The following MYO3A variants were observed in gnomAD, a reference collection of about 807,000 sequenced individuals.
MYO3A encodes the protein myosin IIIA.
MYO3A carries 180 observed loss-of-function variants against 192.7 expected under a neutral mutation model. The observed-to-expected ratio is 0.93, with a 90% CI of 0.83 to 1.06. MYO3A has a LOEUF of 1.06. Ranked by LOEUF, MYO3A falls within the 50% of genes least tolerant of loss-of-function variation. MYO3A has a pLI of 0.00. For missense variants in MYO3A, 1,896 were observed against 1,905.0 expected, an observed-to-expected ratio of 1.00 and a Z score of 0.09; for synonymous variants, 628 against 645.3, an observed-to-expected ratio of 0.97 and a Z score of 0.41.
rs777418859 is a variant in MYO3A, at chr10:26,157,523, G to T, written c.2999+8G>T. On this transcript the variant is annotated splice_region_variant and intron_variant, in intron 26 of 34. Transcript: ENST00000642920. ...TGCTAACTTTATAAAGCGGTATGTG[G>T]ATTTCTTTTTCAGTTTCTATTGTGC... 6.2e-7 allele frequency: 1 copy of T among 1,611,012 alleles called. No individual in the cohort carries two copies. The highest frequency in any genetic ancestry group is 8.5e-7 in the Non-Finnish European group (1 of 1,177,406).
intron 34 of MYO3A, among the ~76,000 whole-genome samples, chr10:26,205,146 G>A (rs531414189): frequency 2.6e-5 from 4 of 152,222 alleles, no homozygotes; most frequent in South Asian, 2.1e-4. Context: ...TTGACAAAAC[G>A]TGTATAAACT....
chr10:26,034,018 C>G (rs1842918914), intron 10 of MYO3A, among the ~76,000 whole-genome samples: 1 of 152,114 alleles, frequency 6.6e-6, no homozygotes, highest in Non-Finnish European at 1.5e-5. Context: ...GAGGTTTGAC[C>G]TGTGTCCATG....
At position 26,073,625 on chromosome 10, in the gene MYO3A, C is replaced by T. The variant is rs770514668; in HGVS notation, c.1359+3224C>T. 1.3e-3 allele frequency among the ~76,000 whole-genome samples: 185 copies of T among 142,642 alleles called. 3 individuals are homozygous for T. The highest frequency in any genetic ancestry group is 3.5e-3 in the Middle Eastern group (1 of 284). The allele number at this position is 142,642 out of a possible 152,430, so 93.6% of individuals were successfully genotyped here. On this transcript the variant is annotated intron_variant, in intron 14 of 34. Transcript: ENST00000642920. ...CAGCCTGGGCAACAGTGCAAGACTC[C>T]GTGTCAAATAATAATAATAATAATG...
intron 14 of MYO3A, among the ~76,000 whole-genome samples, chr10:26,087,507 C>A (rs994258911): frequency 6.6e-6 from 1 of 152,142 alleles, no homozygotes; most frequent in African/African-American, 2.4e-5. Context: ...CTAATACCTC[C>A]CTAAACCTCT....
chr10:26,102,419 G>A (rs763716012), intron 17 of MYO3A, among the ~76,000 whole-genome samples: 15 of 152,260 alleles, frequency 9.9e-5, no homozygotes, highest in East Asian at 3.9e-4. Flanking sequence ...GTGATTCTCC[G>A]TCCAGCTTTG....
intron 26 of MYO3A, among the ~76,000 whole-genome samples, chr10:26,161,677 A>T (rs181187375): frequency 3.2e-4 from 48 of 152,322 alleles, no homozygotes; most frequent in African/African-American, 1.0e-3. Context: ...TATCTACATT[A>T]TATATGTGTT....
chr10:25,943,001 A>G, intron 2 of MYO3A, among the ~76,000 whole-genome samples: 1 of 151,852 alleles, frequency 6.6e-6, no homozygotes, highest in Non-Finnish European at 1.5e-5. Flanking sequence ...TTGGTGTCAT[A>G]TCCGAGAAAT....
At chr10:25,937,614 G>A (rs1287468245) in intron 2 of MYO3A, among the ~76,000 whole-genome samples, 2 of 152,022 alleles carry the variant, frequency 1.3e-5, no homozygotes, top group African/African-American at 4.8e-5. Context: ...GTTTTTTGGA[G>A]GCTCACTAAC....
rs148121130 is a variant in MYO3A at position 26,174,322 on chromosome 10, T to C, written c.4058T>C (p.Ile1353Thr). ...QEEEDKAAVFIQSKYRGYKRR... is the reference protein window; with the variant it reads ...QEEEDKAAVFTQSKYRGYKRR... ...GAAGAAGATAAAGCAGCGGTATTCA[T>C]TCAGAGCAAATACCGGGGTTACAAG... Residue 1353 changes from isoleucine to threonine, a missense_variant, in exon 30 of 35, where the codon ATT (isoleucine) becomes ACT (threonine). By Grantham distance (89) the Ile-to-Thr change is moderately conservative. Coordinates refer to ENST00000642920, the MANE Select transcript of MYO3A (RefSeq NM_017433.5). The C allele has an allele frequency of 1.2e-6, 2 of 1,614,022 alleles. No individual in the cohort carries two copies. The highest frequency in any genetic ancestry group is 2.7e-5 in the African/African-American group (2 of 74,910).
chr10:26,186,659 C>G (rs141521079), intron 31 of MYO3A, among the ~76,000 whole-genome samples: 2 of 152,220 alleles, frequency 1.3e-5, no homozygotes, highest in East Asian at 3.9e-4. Flanking sequence ...AATTCAGGTG[C>G]CTTCCCATGC....
intron 26 of MYO3A, 61 bp downstream of exon 26, chr10:26,157,576 T>C (rs1378566370): frequency 2.8e-5 from 44 of 1,545,068 alleles, no homozygotes; most frequent in Non-Finnish European, 3.9e-5. Context: ...TTCAGAAGAA[T>C]TATAAGAAAC....
intron 14 of MYO3A, among the ~76,000 whole-genome samples, chr10:26,078,821 G>T (rs1235021147): frequency 6.6e-6 from 1 of 152,048 alleles, no homozygotes; most frequent in Non-Finnish European, 1.5e-5. Flanking sequence ...GATTTTGAAG[G>T]TTTCTTTTGG....
At chr10:26,176,949 G>C (rs1223260168) in intron 31 of MYO3A, 104 bp downstream of exon 31, 2 of 1,355,090 alleles carry the variant, frequency 1.5e-6, no homozygotes, top group African/African-American at 1.4e-5. Context: ...AGGAGCCTGT[G>C]TCCTGTCTTA....
At chr10:26,061,275 T>C (rs1380415626) in intron 10 of MYO3A, among the ~76,000 whole-genome samples, 1 of 152,138 alleles carries the variant, frequency 6.6e-6, no homozygotes, top group Non-Finnish European at 1.5e-5. Flanking sequence ...AAAGGATGAA[T>C]AACACTTGAT....
At chr10:26,119,674 G>A (rs1248152676) in intron 17 of MYO3A, among the ~76,000 whole-genome samples, 3 of 152,136 alleles carry the variant, frequency 2.0e-5, no homozygotes, top group Admixed American at 6.5e-5. Flanking sequence ...CCTCTTTCCT[G>A]TACTTCACTG....
intron 15 of MYO3A, among the ~76,000 whole-genome samples, chr10:26,088,939 G>A (rs560668174): frequency 1.3e-5 from 2 of 151,986 alleles, no homozygotes; most frequent in South Asian, 2.1e-4. Flanking sequence ...TTCCTTTTGC[G>A]GGTTTGTAGC....
chr10:26,093,531 A>C (rs908212941), intron 15 of MYO3A, among the ~76,000 whole-genome samples: 1 of 152,116 alleles, frequency 6.6e-6, no homozygotes, highest in African/African-American at 2.4e-5. Context: ...CCTTTTCTTG[A>C]AACCTTCACT....
chr10:26,062,057 C>T (rs1203870669), intron 10 of MYO3A, among the ~76,000 whole-genome samples: 1 of 152,112 alleles, frequency 6.6e-6, no homozygotes, highest in African/African-American at 2.4e-5. Flanking sequence ...GGGGGATATA[C>T]AGTCACTTAG....
intron 23 of MYO3A, among the ~76,000 whole-genome samples, chr10:26,149,583 T>A (rs1305653133): frequency 6.6e-6 from 1 of 150,780 alleles, no homozygotes; most frequent in African/African-American, 2.4e-5. Context: ...TGTTAAATGC[T>A]TTTTCCACAT....
Sources: allele counts gnomAD v4.1 joint callset (sites outside exome capture counted in the v4.1 genomes callset), GRCh38; gene constraint gnomAD v4.1.1; transcripts MANE v1.5; gene names NCBI Gene and HGNC (gene_info 2026-07-23, HGNC 2026-07-21).